Variants in STON2 observed in about 807,000 individuals in gnomAD.
STON2 encodes the protein stonin-2.
In STON2, 29 loss-of-function variants were observed where a neutral mutation model predicts 65.7. The observed-to-expected ratio is 0.44, with a 90% CI of 0.33 to 0.60. The LOEUF (loss-of-function observed/expected upper bound fraction) is 0.60, where lower values mean the gene tolerates loss of function less well. Among genes scored for constraint, STON2 ranks in the 20% least tolerant of loss-of-function variants. STON2 has a pLI of 0.03. For missense variants in STON2, 1,054 were observed against 1,118.1 expected (o/e 0.94, Z 0.82); for synonymous variants, 404 against 414.2 (o/e 0.98, Z 0.30).
chr14:81,311,133 G>A (rs1289335807), intron 5 of STON2, among the ~76,000 whole-genome samples: 5 of 152,152 alleles, frequency 3.3e-5, no homozygotes, highest in African/African-American at 7.2e-5. Context: ...TTGGACAATA[G>A]AGCTGAATTT....
intron 4 of STON2, among the ~76,000 whole-genome samples, chr14:81,326,156 T>C (rs1896997856): frequency 6.6e-6 from 1 of 152,224 alleles, no homozygotes; most frequent in Admixed American, 6.5e-5. Context: ...AAACATGGCA[T>C]TGGCCACCCT....
chr14:81,268,266 C>T lies in STON2; in HGVS notation c.*148G>A, dbSNP rs1201617559. The T allele has an allele frequency of 8.7e-7, 1 of 1,152,144 alleles. No homozygotes were observed. The highest frequency in any genetic ancestry group is 1.6e-5 in the African/African-American group (1 of 61,118). The allele number at this position is 1,152,144 out of a possible 1,614,324, so 71.4% of individuals were successfully genotyped here. On this transcript the variant is annotated 3_prime_UTR_variant, in exon 8 of 8. Coordinates refer to ENST00000614646, the MANE Select transcript of STON2 (RefSeq NM_001394390.1). Reference sequence around the variant, plus strand: ...CTGGTAAAATACAAGTAACTGCAAACAGGAAGATCTGGTATACTGTTCCCA... The same window carrying T: ...CTGGTAAAATACAAGTAACTGCAAATAGGAAGATCTGGTATACTGTTCCCA...
rs568219750 is a variant in STON2 at position 81,377,126 on chromosome 14, C to T, written c.374-5941G>A. The stretch of plus-strand genomic sequence containing the variant: ...ATCACTGCAAGGATCTTTCCTGCTG[C>T]ACTTTCATAAGCATGCCCATTTCCC... On this transcript the variant is annotated intron_variant, in intron 3 of 7. Coordinates refer to ENST00000614646, the MANE Select transcript of STON2 (RefSeq NM_001394390.1). 7.7e-4 allele frequency among the ~76,000 whole-genome samples: 117 copies of T among 152,174 alleles called. 1 individual carries two copies. The highest frequency in any genetic ancestry group is 1.3e-3 in the Non-Finnish European group (91 of 68,022).
intron 3 of STON2, among the ~76,000 whole-genome samples, chr14:81,374,983 GAA>G (rs368061980): frequency 3.9e-5 from 6 of 152,152 alleles, no homozygotes; most frequent in African/African-American, 1.4e-4. Flanking sequence ...CCATCAAAGA[GAA>G]AATACACATT....
chr14:81,405,626 G>A (rs952884115), intron 2 of STON2, among the ~76,000 whole-genome samples: 2 of 151,288 alleles, frequency 1.3e-5, no homozygotes, highest in Non-Finnish European at 2.9e-5. Flanking sequence ...CCAGCAGGCA[G>A]TCTGACCAAG....
chr14:81,406,271 A>G (rs1458116093), intron 2 of STON2, among the ~76,000 whole-genome samples: 1 of 152,088 alleles, frequency 6.6e-6, no homozygotes, highest in Non-Finnish European at 1.5e-5. Flanking sequence ...CTATCCTATT[A>G]ATTCTGTCCC....
chr14:81,397,880 G>A (rs1349970968), intron 2 of STON2, among the ~76,000 whole-genome samples: 1 of 152,140 alleles, frequency 6.6e-6, no homozygotes, highest in Non-Finnish European at 1.5e-5. Context: ...GCATGGAGAG[G>A]TTAAATAAAT....
At chr14:81,361,426 T>C (rs970750792) in intron 4 of STON2, among the ~76,000 whole-genome samples, 5 of 152,140 alleles carry the variant, frequency 3.3e-5, no homozygotes, top group African/African-American at 9.6e-5. Flanking sequence ...TAAATGGTGT[T>C]GGGGAAACTG....
At chr14:81,313,514 G>C (rs987997796) in intron 5 of STON2, among the ~76,000 whole-genome samples, 2 of 151,216 alleles carry the variant, frequency 1.3e-5, no homozygotes, top group African/African-American at 4.9e-5. Context: ...AGCCAGGCCA[G>C]GCAGGCGTGG....
upstream of STON2, among the ~76,000 whole-genome samples, chr14:81,404,034 T>A (rs1253112686): frequency 6.6e-6 from 1 of 152,234 alleles, no homozygotes; most frequent in African/African-American, 2.4e-5. Flanking sequence ...TTTTAGTAAA[T>A]GCTTGTTGGG....
At chr14:81,417,186 T>C (rs1408357431) in intron 2 of STON2, among the ~76,000 whole-genome samples, 1 of 152,156 alleles carries the variant, frequency 6.6e-6, no homozygotes, top group Non-Finnish European at 1.5e-5. Flanking sequence ...CCCACAGCAC[T>C]GTGTTGCACA....
intron 4 of STON2, among the ~76,000 whole-genome samples, chr14:81,361,947 C>T (rs73341926): frequency 0.013 from 1,960 of 152,170 alleles, 55 homozygotes; most frequent in African/African-American, 0.045. Flanking sequence ...TGAGATATCA[C>T]CTCACACCTG....
intron 4 of STON2, among the ~76,000 whole-genome samples, chr14:81,367,333 T>C (rs551503451): frequency 1.3e-5 from 2 of 152,204 alleles, no homozygotes; most frequent in East Asian, 1.9e-4. Context: ...CGCGCCACTA[T>C]GCCCAGCTAA....
chr14:81,270,968 G>T, intron 6 of STON2, 96 bp from the exon 7 acceptor site: 1 of 1,471,256 alleles, frequency 6.8e-7, no homozygotes, highest in Non-Finnish European at 9.0e-7. Context: ...AGGCCTGTGG[G>T]CTCGGCACCC....
rs187654249 is a variant in STON2 at position 81,413,423 on chromosome 14, A to C, written c.-199+13679T>G. ...GTTGTGGTTACAAAACAATTAGCAA[A>C]ATAGCCTACATCTGTATTTATTTTC... On this transcript the variant is annotated intron_variant, in intron 2 of 8. Coordinates refer to the STON2 transcript ENST00000553821. Among the ~76,000 whole-genome samples, 101 of 140,766 alleles carry C rather than the reference A, an allele frequency of 7.2e-4. 9 individuals carry two copies. The highest frequency in any genetic ancestry group is 1.1e-3 in the Non-Finnish European group (77 of 67,060). The allele number at this position is 140,766 out of a possible 152,430, so 92.3% of individuals were successfully genotyped here.
intron 5 of STON2, among the ~76,000 whole-genome samples, chr14:81,285,393 T>C (rs561559739): frequency 1.3e-5 from 2 of 152,332 alleles, no homozygotes; most frequent in East Asian, 3.9e-4. Flanking sequence ...AGGAAATAAC[T>C]GCAGATGTGG....
intron 6 of STON2, among the ~76,000 whole-genome samples, chr14:81,274,819 C>T (rs1461872027): frequency 6.6e-6 from 1 of 151,950 alleles, no homozygotes; most frequent in African/African-American, 2.4e-5. Flanking sequence ...GCAGGAGAAT[C>T]GCTTGAATCC....
At chr14:81,399,826 C>T (rs544459601) in intron 1 of STON2, among the ~76,000 whole-genome samples, 1 of 152,136 alleles carries the variant, frequency 6.6e-6, no homozygotes, top group Non-Finnish European at 1.5e-5. Flanking sequence ...AATGCTTCCT[C>T]CAGGCTAAGT....
At position 81,327,707 on chromosome 14, in the gene STON2, C is replaced by T. The variant is rs912798829; in HGVS notation, c.572-3520G>A. On this transcript the variant is annotated intron_variant, in intron 4 of 7. Transcript: ENST00000614646. ...TTCCAAAATGAAAGCATACATTTCC[C>T]GTTTCTGTTTTTGGCCACGACATGT... 3.3e-5 allele frequency among the ~76,000 whole-genome samples: 5 copies of T among 152,098 alleles called. No individual in the cohort carries two copies. The South Asian group carries it at 6.2e-4, about 19-fold the overall frequency.
Sources: allele counts gnomAD v4.1 joint callset (sites outside exome capture counted in the v4.1 genomes callset), GRCh38; gene constraint gnomAD v4.1.1; transcripts MANE v1.5; gene names NCBI Gene and HGNC (gene_info 2026-07-23, HGNC 2026-07-21).